The following EVL variants were observed in gnomAD, a reference collection of about 807,000 sequenced individuals.
EVL encodes the protein ena/VASP-like protein.
In EVL, 21 loss-of-function variants were observed where a neutral mutation model predicts 59.6. That is an observed-to-expected ratio of 0.35 (90% CI 0.25 to 0.51). EVL has a LOEUF of 0.51. Among genes scored for constraint, EVL ranks in the 20% least tolerant of loss-of-function variants. The pLI, the probability that EVL is intolerant of heterozygous loss-of-function variation, is 0.97. For missense variants in EVL, 462 were observed against 546.6 expected (o/e 0.85, Z 1.54); for synonymous variants, 198 against 203.5 (o/e 0.97, Z 0.23).
intron 1 of EVL, among the ~76,000 whole-genome samples, chr14:100,048,590 G>T (rs2061593749): frequency 6.6e-6 from 1 of 152,190 alleles, no homozygotes; most frequent in Non-Finnish European, 1.5e-5. Flanking sequence ...TTTACATACA[G>T]TTAACATATA....
At chr14:99,990,995 G>A (rs2060872263) in intron 1 of EVL, among the ~76,000 whole-genome samples, 1 of 152,048 alleles carries the variant, frequency 6.6e-6, no homozygotes, top group Non-Finnish European at 1.5e-5. Flanking sequence ...ATGCTGATCT[G>A]CTTATATGCA....
intron 1 of EVL, among the ~76,000 whole-genome samples, chr14:100,037,355 C>G (rs997067215): frequency 1.3e-5 from 2 of 152,208 alleles, no homozygotes; most frequent in African/African-American, 4.8e-5. Flanking sequence ...GAAAGCCTTT[C>G]TAACAGGGGC....
intron 1 of EVL, among the ~76,000 whole-genome samples, chr14:99,973,216 A>G (rs2060746995): frequency 1.3e-5 from 2 of 152,228 alleles, no homozygotes; most frequent in South Asian, 4.1e-4. Context: ...CCAAGTTGCC[A>G]AAGTGGTTCT....
chr14:99,982,753 T>C (rs1445789553), intron 1 of EVL, among the ~76,000 whole-genome samples: 1 of 152,250 alleles, frequency 6.6e-6, no homozygotes, highest in Non-Finnish European at 1.5e-5. Context: ...TGTAGGTATG[T>C]AAAGGGACTT....
chr14:100,051,973 G>A (rs2061654872), intron 1 of EVL, among the ~76,000 whole-genome samples: 1 of 152,108 alleles, frequency 6.6e-6, no homozygotes, highest in Admixed American at 6.5e-5. Context: ...TAATACCTCG[G>A]TGGACCAAAC....
chr14:100,099,291 C>A (rs1015597947), intron 3 of EVL, among the ~76,000 whole-genome samples: 4 of 151,880 alleles, frequency 2.6e-5, no homozygotes, highest in African/African-American at 7.3e-5. Flanking sequence ...GCCTGCAATT[C>A]ATGAGGCTGA....
At chr14:100,053,139 A>T (rs1201894617) in intron 1 of EVL, among the ~76,000 whole-genome samples, 7 of 152,164 alleles carry the variant, frequency 4.6e-5, no homozygotes, top group Non-Finnish European at 2.9e-5. Context: ...TTATAGTCAC[A>T]TTGAGGGTTA....
intron 13 of EVL, 25 bp from the exon 14 acceptor site, chr14:100,143,675 CT>C (rs1889344781): frequency 1.9e-6 from 3 of 1,610,712 alleles, no homozygotes; most frequent in Non-Finnish European, 8.5e-7. Flanking sequence ...ATGGCTGCAC[CT>C]GAGCCGCCGC....
intron 13 of EVL, 159 bp downstream of exon 13, chr14:100,141,952 G>A (rs1889197069): frequency 1.8e-6 from 1 of 564,848 alleles, no homozygotes; most frequent in South Asian, 3.0e-5. Context: ...GAGGAAACAG[G>A]CTCAGGAAAG....
intron 1 of EVL, among the ~76,000 whole-genome samples, chr14:100,060,058 AATATGTTC>A (rs1044272590): frequency 6.6e-6 from 1 of 152,254 alleles, no homozygotes; most frequent in Non-Finnish European, 1.5e-5. Context: ...ACCCATAATA[AATATGTTC>A]ACAGACTTTA....
intron 1 of EVL, among the ~76,000 whole-genome samples, chr14:100,021,537 C>T (rs1025968448): frequency 1.3e-5 from 2 of 152,284 alleles, no homozygotes; most frequent in Middle Eastern, 3.4e-3. Flanking sequence ...TGGGGCAACA[C>T]AGGGACTCTA....
intron 1 of EVL, among the ~76,000 whole-genome samples, chr14:100,046,302 A>G (rs1030982022): frequency 6.6e-6 from 1 of 152,232 alleles, no homozygotes; most frequent in African/African-American, 2.4e-5. Flanking sequence ...CAATGAGTAT[A>G]TATGAGGCTT....
At chr14:100,064,173 T>A (rs929101448), upstream of EVL, among the ~76,000 whole-genome samples, 3 of 152,250 alleles carry the variant, frequency 2.0e-5, no homozygotes, top group Non-Finnish European at 2.9e-5. Flanking sequence ...CAATTAGAAC[T>A]GATACTTCTT....
chr14:100,030,549 CT>C (rs2061298320), intron 1 of EVL, among the ~76,000 whole-genome samples: 1 of 152,164 alleles, frequency 6.6e-6, no homozygotes, highest in African/African-American at 2.4e-5. Context: ...AGCTAGAGTA[CT>C]TCTAGTCTTC....
At chr14:100,019,374 AC>A in intron 1 of EVL, 1 of 390,404 alleles carries the variant, frequency 2.6e-6, no homozygotes, top group East Asian at 4.4e-5. Context: ...CTTTCTCTAG[AC>A]TAATCCAGTT....
At chr14:100,062,530 A>G (rs537918885), upstream of EVL, among the ~76,000 whole-genome samples, 1 of 152,338 alleles carries the variant, frequency 6.6e-6, no homozygotes, top group African/African-American at 2.4e-5. Flanking sequence ...CGAAGAACAG[A>G]GGAACCAGAA....
chr14:99,982,796 T>G (rs1388149563), intron 1 of EVL, among the ~76,000 whole-genome samples: 1 of 152,188 alleles, frequency 6.6e-6, no homozygotes, highest in African/African-American at 2.4e-5. Context: ...TTTAAAATGT[T>G]TTAGTTTAAT....
In EVL at chr14:100,099,943, C is replaced by CT. The variant is rs768464917; in HGVS notation, c.358+2296dup. Among the ~76,000 whole-genome samples, 706 of 90,074 alleles carry CT rather than the reference C, an allele frequency of 7.8e-3. 7 individuals carry two copies. The highest frequency in any genetic ancestry group is 0.024 in the African/African-American group (549 of 22,718). 59.1% of individuals were successfully genotyped at this position (90,074 alleles called of 152,430 possible). A position where few individuals can be genotyped will look rare whatever the true frequency, so the allele number is the denominator to read the frequency against. ...AATTTAAGTGGTTGGTCTGAAAGTG[C>CT]TTTTTTTTTTTGCCCCCAAGGTAGC... On this transcript the variant is annotated intron_variant, in intron 3 of 13. Transcript: ENST00000392920.
Position 100,141,183 on chromosome 14 carries a change from G to A in EVL, c.1098G>A (p.Met366Ile). The A allele has an allele frequency of 5.6e-6, 9 of 1,613,754 alleles. No individual in the cohort carries two copies. Among genetic ancestry groups the A allele is most frequent in the Non-Finnish European group, 7.6e-6 (9 of 1,179,926 alleles). Residue 366 changes from methionine to isoleucine, a missense_variant, in exon 12 of 14, where the codon ATG becomes ATA. Transcript: ENST00000392920. Reference protein sequence around the residue: ...SPLQSQPHSRMKPAGSVNDMA... With the variant: ...SPLQSQPHSRIKPAGSVNDMA... ...CCACAGGCCCTTTCTCTCCCAGGAT[G>A]AAGCCTGCTGGGAGCGTGAATGACA...
Sources: allele counts gnomAD v4.1 joint callset (sites outside exome capture counted in the v4.1 genomes callset), GRCh38; gene constraint gnomAD v4.1.1; transcripts MANE v1.5; gene names NCBI Gene and HGNC (gene_info 2026-07-23, HGNC 2026-07-21).